Variants in DGKB observed in about 807,000 individuals in gnomAD.
DGKB encodes the protein diacylglycerol kinase beta.
A neutral mutation model predicts 114.3 loss-of-function variants in DGKB; 67 were observed. The ratio of observed to expected loss-of-function variants is 0.59; its 90% CI spans 0.48 to 0.72. The LOEUF is 0.72. DGKB is among the 30% of genes least tolerant of loss of function. DGKB has a pLI of 0.00. For synonymous variants in DGKB, 398 were observed against 323.1 expected (o/e 1.23, Z -2.49); for missense variants, 907 against 975.2 (o/e 0.93, Z 0.93).
At chr7:14,690,333 A>T (rs1345396285) in intron 9 of DGKB, among the ~76,000 whole-genome samples, 1 of 152,228 alleles carries the variant, frequency 6.6e-6, no homozygotes, top group East Asian at 1.9e-4. Flanking sequence ...AGTTAATAAC[A>T]GAGCTAAGGT....
At chr7:14,152,048 G>C (rs569133007) in intron 25 of DGKB, among the ~76,000 whole-genome samples, 2 of 151,834 alleles carry the variant, frequency 1.3e-5, no homozygotes, top group Non-Finnish European at 2.9e-5. Context: ...GGTTACGGGG[G>C]GTTAACAGGG....
At chr7:14,226,723 T>A (rs949595615) in intron 23 of DGKB, among the ~76,000 whole-genome samples, 3 of 152,058 alleles carry the variant, frequency 2.0e-5, no homozygotes, top group African/African-American at 7.2e-5. Flanking sequence ...ATCAAATATT[T>A]ATCAATATCC....
At chr7:14,535,129 G>A (rs1380702877) in intron 20 of DGKB, among the ~76,000 whole-genome samples, 6 of 152,096 alleles carry the variant, frequency 3.9e-5, no homozygotes, top group Non-Finnish European at 7.4e-5. Context: ...CAAAATTTTG[G>A]AAGGCCAAAG....
At chr7:14,297,143 C>T (rs1237153397) in intron 23 of DGKB, among the ~76,000 whole-genome samples, 1 of 152,086 alleles carries the variant, frequency 6.6e-6, no homozygotes, top group Non-Finnish European at 1.5e-5. Flanking sequence ...AGATCTGGTA[C>T]CATTCCTTCT....
chr7:14,457,746 C>G (rs1640384322), intron 21 of DGKB, among the ~76,000 whole-genome samples: 1 of 152,180 alleles, frequency 6.6e-6, no homozygotes, highest in Non-Finnish European at 1.5e-5. Flanking sequence ...CACAGATGCC[C>G]TTTGACCTCC....
At chr7:14,667,782 T>C (rs995359983) in intron 13 of DGKB, among the ~76,000 whole-genome samples, 1 of 152,128 alleles carries the variant, frequency 6.6e-6, no homozygotes, top group African/African-American at 2.4e-5. Flanking sequence ...TATGATCACT[T>C]AAATAGTTAA....
rs112543748 is a variant in DGKB, at chr7:14,542,912, G to C, written c.1770+31300C>G. ...AGGGAGTGTTGCTTCAGCTGACTTTGCTGTGATGATTTTGAAAAACGGAGA... is the reference window on the plus strand; with the variant it reads ...AGGGAGTGTTGCTTCAGCTGACTTTCCTGTGATGATTTTGAAAAACGGAGA... On this transcript the variant is annotated intron_variant, in intron 20 of 25. Coordinates refer to ENST00000402815, the MANE Select transcript of DGKB (RefSeq NM_001350709.2). Among the ~76,000 whole-genome samples, 572 of 152,244 alleles carry C rather than the reference G, an allele frequency of 3.8e-3. 1 individual carries two copies. Among genetic ancestry groups the C allele is most frequent in the African/African-American group, 0.013 (542 of 41,538 alleles).
chr7:14,698,772 T>G (rs2129006017), intron 7 of DGKB, among the ~76,000 whole-genome samples: 1 of 152,294 alleles, frequency 6.6e-6, no homozygotes, highest in East Asian at 1.9e-4. Context: ...AATTGCAAGT[T>G]AATACAGATG....
chr7:14,224,212 T>C (rs1441235776), intron 23 of DGKB, among the ~76,000 whole-genome samples: 3 of 151,952 alleles, frequency 2.0e-5, no homozygotes, highest in East Asian at 3.9e-4. Flanking sequence ...TTGTTAAAAA[T>C]TGTTTGGATT....
At chr7:14,260,489 A>G (rs540946728) in intron 23 of DGKB, among the ~76,000 whole-genome samples, 3 of 152,338 alleles carry the variant, frequency 2.0e-5, no homozygotes, top group South Asian at 2.1e-4. Flanking sequence ...TCAGACCTCA[A>G]TAAGGCTGTT....
intron 20 of DGKB, among the ~76,000 whole-genome samples, chr7:14,492,455 C>CT (rs755067238): frequency 3.3e-5 from 5 of 151,784 alleles, no homozygotes; most frequent in Non-Finnish European, 5.9e-5. Context: ...TTTTTCCAAC[C>CT]TAAAAACAAA....
At chr7:14,771,582 T>C (rs1178303781) in intron 2 of DGKB, among the ~76,000 whole-genome samples, 1 of 152,114 alleles carries the variant, frequency 6.6e-6, no homozygotes, top group African/African-American at 2.4e-5. Flanking sequence ...GTCTAGGGAA[T>C]TGGGCCTTAC....
chr7:14,885,254 A>G (rs945366050), intron 1 of DGKB, among the ~76,000 whole-genome samples: 5 of 151,986 alleles, frequency 3.3e-5, no homozygotes, highest in Admixed American at 1.3e-4. Flanking sequence ...TTGTATAACT[A>G]TGGGCACTAC....
intron 23 of DGKB, among the ~76,000 whole-genome samples, chr7:14,281,262 A>G (rs562742428): frequency 7.2e-5 from 11 of 151,788 alleles, no homozygotes; most frequent in African/African-American, 1.7e-4. Flanking sequence ...AAGAGACAAA[A>G]AAGACCATTA....
At chr7:14,392,761 C>T (rs1821515429) in intron 21 of DGKB, among the ~76,000 whole-genome samples, 1 of 152,012 alleles carries the variant, frequency 6.6e-6, no homozygotes, top group Admixed American at 6.6e-5. Flanking sequence ...CAAAAAGTGG[C>T]TATAACAAAC....
In DGKB at chr7:14,532,869, A is replaced by G. The variant is rs140868514; in HGVS notation, c.1770+41343T>C. Among the ~76,000 whole-genome samples the G allele has an allele frequency of 9.6e-4, 145 of 151,826 alleles. No individual in the cohort carries two copies. The Middle Eastern group carries it at 0.02, about 21-fold the overall frequency. On this transcript the variant is annotated intron_variant, in intron 20 of 25. Coordinates refer to ENST00000402815, the MANE Select transcript of DGKB (RefSeq NM_001350709.2). ...GAATATTACCAAGGAAATAAAATAT[A>G]TTAGGCAATTAAAATTATAAGTGAA...
chr7:14,422,451 A>C (rs1393066553), intron 21 of DGKB, among the ~76,000 whole-genome samples: 1 of 152,084 alleles, frequency 6.6e-6, no homozygotes, highest in Non-Finnish European at 1.5e-5. Context: ...AATCAGAAAG[A>C]CTTAAACCCA....
chr7:14,878,756 A>AAC (rs1554325401), intron 1 of DGKB, among the ~76,000 whole-genome samples: 14 of 29,180 alleles, frequency 4.8e-4, no homozygotes, highest in Non-Finnish European at 1.0e-3. Flanking sequence ...CTCAAAAAAC[A>AAC]AAAAAAAAAA....
At chr7:14,769,070 TAAGAAAGAA>T (rs1836892349) in intron 2 of DGKB, among the ~76,000 whole-genome samples, 1 of 84,268 alleles carries the variant, frequency 1.2e-5, no homozygotes, top group Non-Finnish European at 2.3e-5. Flanking sequence ...TTTTTAAAGA[TAAGAAAGAA>T]AGAAAGAAAG....
Sources: allele counts gnomAD v4.1 joint callset (sites outside exome capture counted in the v4.1 genomes callset), GRCh38; gene constraint gnomAD v4.1.1; transcripts MANE v1.5; gene names NCBI Gene and HGNC (gene_info 2026-07-23, HGNC 2026-07-21).